RIMBP2: variants seen among roughly 807,000 people sequenced by gnomAD.
RIMBP2 encodes RIMS binding protein 2, also known as RIMS-binding protein 2.
A neutral mutation model predicts 118.6 loss-of-function variants in RIMBP2; 48 were observed. The ratio of observed to expected loss-of-function variants is 0.40; its 90% CI spans 0.32 to 0.51. The LOEUF is 0.51. Among genes scored for constraint, RIMBP2 ranks in the 20% least tolerant of loss-of-function variants. The probability of loss-of-function intolerance (pLI) is 0.41; values close to 1 mark genes in which losing one functional copy is unlikely to be tolerated. For synonymous variants in RIMBP2, 762 were observed against 742.9 expected, an observed-to-expected ratio of 1.03 and a Z score of -0.42; for missense variants, 1,551 against 1,768.3, an observed-to-expected ratio of 0.88 and a Z score of 2.20.
At chr12:130,474,844 T>C (rs1466181228) in intron 5 of RIMBP2, among the ~76,000 whole-genome samples, 4 of 151,784 alleles carry the variant, frequency 2.6e-5, no homozygotes, top group African/African-American at 9.7e-5. Flanking sequence ...CCAGAGTCGC[T>C]TCTACCATCG....
intron 6 of RIMBP2, among the ~76,000 whole-genome samples, chr12:130,463,022 C>T (rs749480690): frequency 4.6e-5 from 7 of 152,212 alleles, no homozygotes; most frequent in Non-Finnish European, 1.0e-4. Flanking sequence ...AGCTCCCTGG[C>T]GTCTTGGCAG....
intron 11 of RIMBP2, among the ~76,000 whole-genome samples, chr12:130,439,612 T>C (rs2077895547): frequency 9.5e-6 from 1 of 105,200 alleles, no homozygotes; most frequent in African/African-American, 3.8e-5. Context: ...TGTTTTTGTG[T>C]ATGTGGGTGT....
intron 6 of RIMBP2, among the ~76,000 whole-genome samples, chr12:130,462,840 G>C (rs1240856564): frequency 6.6e-6 from 1 of 152,240 alleles, no homozygotes; most frequent in Non-Finnish European, 1.5e-5. Flanking sequence ...GTAAATGCTT[G>C]TCTGATGGGA....
chr12:130,657,944 T>C (rs1162173576), intron 1 of RIMBP2: 1 of 152,238 alleles, frequency 6.6e-6, no homozygotes, highest in Non-Finnish European at 1.5e-5. Context: ...ATATTTAAAA[T>C]CAGAGAACGC....
At chr12:130,657,960 T>A (rs913157428) in intron 1 of RIMBP2, 1 of 152,302 alleles carries the variant, frequency 6.6e-6, no homozygotes, top group Non-Finnish European at 1.5e-5. Flanking sequence ...AACGCACGGC[T>A]GGACACAAGG....
intron 1 of RIMBP2, among the ~76,000 whole-genome samples, chr12:130,639,111 G>A (rs567049230): frequency 3.0e-4 from 45 of 152,268 alleles, no homozygotes; most frequent in African/African-American, 1.1e-3. Flanking sequence ...AGCCTGGCCG[G>A]GCACGGTGGC....
At chr12:130,554,322 T>C (rs1489094420) in intron 2 of RIMBP2, among the ~76,000 whole-genome samples, 1 of 152,192 alleles carries the variant, frequency 6.6e-6, no homozygotes, top group Non-Finnish European at 1.5e-5. Flanking sequence ...TTTGCTAAAG[T>C]ACCTAGCACA....
chr12:130,588,582 G>A (rs879453318), intron 2 of RIMBP2, among the ~76,000 whole-genome samples: 3 of 152,180 alleles, frequency 2.0e-5, no homozygotes, highest in African/African-American at 4.8e-5. Context: ...GGTAGTGGAC[G>A]TGTATCAGCA....
chr12:130,451,583 C>A (rs115307553), intron 7 of RIMBP2, among the ~76,000 whole-genome samples: 2 of 152,342 alleles, frequency 1.3e-5, no homozygotes, highest in South Asian at 4.1e-4. Context: ...GGGCTCAGGA[C>A]GAGGATGGTC....
chr12:130,524,535 G>A (rs547034335), intron 2 of RIMBP2, among the ~76,000 whole-genome samples: 10 of 152,234 alleles, frequency 6.6e-5, no homozygotes, highest in Admixed American at 2.6e-4. Context: ...ACGTGAAGAG[G>A]CAAGAAGGGT....
chr12:130,628,162 C>A (rs958355782), intron 2 of RIMBP2, among the ~76,000 whole-genome samples, 160 bp downstream of exon 2: 3 of 152,150 alleles, frequency 2.0e-5, no homozygotes, highest in Non-Finnish European at 2.9e-5. Context: ...GGGTAAGGAA[C>A]ACATCTGCTC....
chr12:130,451,704 G>A (rs542240957), intron 7 of RIMBP2, among the ~76,000 whole-genome samples: 1 of 152,256 alleles, frequency 6.6e-6, no homozygotes, highest in African/African-American at 2.4e-5. Context: ...CTGCACCTGC[G>A]AGAGGAACGC....
chr12:130,632,350 A>G (rs1332381383), intron 1 of RIMBP2, among the ~76,000 whole-genome samples: 1 of 152,200 alleles, frequency 6.6e-6, no homozygotes, highest in Non-Finnish European at 1.5e-5. Flanking sequence ...ACATGAAAAA[A>G]CGAGATTACA....
chr12:130,712,693 C>T (rs1233235509), intron 1 of RIMBP2, among the ~76,000 whole-genome samples: 1 of 152,152 alleles, frequency 6.6e-6, no homozygotes, highest in Non-Finnish European at 1.5e-5. Flanking sequence ...ATCCATAAGC[C>T]AGTAACATAG....
At chr12:130,584,651 A>G (rs986290456) in intron 2 of RIMBP2, among the ~76,000 whole-genome samples, 4 of 81,196 alleles carry the variant, frequency 4.9e-5, no homozygotes, top group African/African-American at 2.7e-4. Context: ...CATCACCATC[A>G]CCTCATCACA....
intron 1 of RIMBP2, among the ~76,000 whole-genome samples, chr12:130,641,372 C>T (rs946822954): frequency 1.8e-4 from 26 of 143,612 alleles, no homozygotes; most frequent in East Asian, 4.4e-4. Context: ...CCCGGCTTCA[C>T]GGGCTGGATT....
At chr12:130,508,373 C>T (rs1201531919) in intron 3 of RIMBP2, among the ~76,000 whole-genome samples, 1 of 151,846 alleles carries the variant, frequency 6.6e-6, no homozygotes, top group Non-Finnish European at 1.5e-5. Flanking sequence ...AAAAGTCCTA[C>T]CCACCTGCTA....
At chr12:130,561,741 T>A (rs1467543206) in intron 2 of RIMBP2, among the ~76,000 whole-genome samples, 3 of 152,178 alleles carry the variant, frequency 2.0e-5, no homozygotes, top group Admixed American at 6.5e-5. Flanking sequence ...AGGGGGTTTC[T>A]GAACGCAGAG....
At chr12:130,508,640 T>G (rs1211038662) in intron 3 of RIMBP2, among the ~76,000 whole-genome samples, 1 of 152,040 alleles carries the variant, frequency 6.6e-6, no homozygotes, top group Non-Finnish European at 1.5e-5. Context: ...ACCACCATGC[T>G]TTGGTGTCCA....
Sources: allele counts gnomAD v4.1 joint callset (sites outside exome capture counted in the v4.1 genomes callset), GRCh38; gene constraint gnomAD v4.1.1; transcripts MANE v1.5; gene names NCBI Gene and HGNC (gene_info 2026-07-23, HGNC 2026-07-21).